The following TMEM108 variants were observed in gnomAD, a reference collection of about 807,000 sequenced individuals.
TMEM108 encodes the protein transmembrane protein 108.
In TMEM108, 12 loss-of-function variants were observed where a neutral mutation model predicts 35.1. That is an observed-to-expected ratio of 0.34 (90% CI 0.22 to 0.55). The LOEUF (loss-of-function observed/expected upper bound fraction) is 0.55. TMEM108 is among the 20% of genes least tolerant of loss of function. TMEM108 has a pLI of 0.89. For missense variants in TMEM108, 680 were observed against 753.3 expected (o/e 0.90, Z 1.14); for synonymous variants, 287 against 308.6 (o/e 0.93, Z 0.73).
chr3:133,200,532 C>G (rs1239745355), intron 2 of TMEM108, among the ~76,000 whole-genome samples: 2 of 152,178 alleles, frequency 1.3e-5, no homozygotes, highest in Non-Finnish European at 2.9e-5. Context: ...AGAATACAGA[C>G]TCTTCTCGTT....
intron 2 of TMEM108, among the ~76,000 whole-genome samples, chr3:133,205,018 G>T (rs1945730951): frequency 6.6e-6 from 1 of 152,108 alleles, no homozygotes; most frequent in Non-Finnish European, 1.5e-5. Flanking sequence ...AGGATAGTTA[G>T]CTCTTCTTGT....
chr3:133,107,516 A>G (rs1437002004), intron 2 of TMEM108, among the ~76,000 whole-genome samples: 1 of 150,962 alleles, frequency 6.6e-6, no homozygotes, highest in East Asian at 1.9e-4. Flanking sequence ...ATTACATTTC[A>G]GCCAAACACA....
At chr3:133,322,451 C>T (rs892305672) in intron 3 of TMEM108, among the ~76,000 whole-genome samples, 16 of 152,248 alleles carry the variant, frequency 1.1e-4, no homozygotes, top group African/African-American at 3.8e-4. Flanking sequence ...TGGAAATACA[C>T]AACCCTCTTA....
chr3:133,267,808 C>G (rs1056260898), intron 3 of TMEM108, among the ~76,000 whole-genome samples: 3 of 152,284 alleles, frequency 2.0e-5, no homozygotes, highest in Admixed American at 6.5e-5. Context: ...CTTGATAGAC[C>G]TACTCACATG....
At chr3:133,188,929 C>G (rs777187431) in intron 2 of TMEM108, among the ~76,000 whole-genome samples, 9 of 152,128 alleles carry the variant, frequency 5.9e-5, no homozygotes, top group Non-Finnish European at 1.2e-4. Context: ...AGTTCAGTGT[C>G]TACCTGAAGG....
At chr3:133,041,510 A>C (rs1408069520) in intron 1 of TMEM108, among the ~76,000 whole-genome samples, 1 of 152,228 alleles carries the variant, frequency 6.6e-6, no homozygotes, top group Non-Finnish European at 1.5e-5. Context: ...TTGAAAGGCT[A>C]TGTCAGCCCT....
intron 2 of TMEM108, among the ~76,000 whole-genome samples, chr3:133,150,201 T>C (rs976951329): frequency 6.6e-6 from 1 of 152,188 alleles, no homozygotes. Flanking sequence ...TGAAGTGATA[T>C]TTCATTATGG....
At chr3:133,360,675 C>T (rs749636911) in intron 3 of TMEM108, among the ~76,000 whole-genome samples, 10 of 152,210 alleles carry the variant, frequency 6.6e-5, no homozygotes, top group South Asian at 2.1e-4. Flanking sequence ...ACTTTTTGTG[C>T]GCTGTCTCTG....
In TMEM108 at chr3:133,359,362, A is replaced by T. The variant is rs145010763; in HGVS notation, c.41-20390A>T. On this transcript the variant is annotated intron_variant, in intron 3 of 5. Transcript: ENST00000321871. Reference sequence around the variant, plus strand: ...TAGTTTGCAGCATTTTCCCAAGTTTATTTGGGAACCCTTTTCTTACAAGTA... The same window carrying T: ...TAGTTTGCAGCATTTTCCCAAGTTTTTTTGGGAACCCTTTTCTTACAAGTA... Among the ~76,000 whole-genome samples the T allele has an allele frequency of 4.3e-3, 655 of 152,252 alleles. 10 individuals carry two copies. Among genetic ancestry groups the T allele is most frequent in the African/African-American group, 0.015 (626 of 41,554 alleles).
At chr3:133,391,777 T>C (rs2073238470) in intron 5 of TMEM108, among the ~76,000 whole-genome samples, 1 of 152,208 alleles carries the variant, frequency 6.6e-6, no homozygotes, top group South Asian at 2.1e-4. Flanking sequence ...CCAGTCTAAA[T>C]GTCACTTCCT....
chr3:133,064,399 T>G (rs75876694), intron 2 of TMEM108, among the ~76,000 whole-genome samples: 1 of 152,150 alleles, frequency 6.6e-6, no homozygotes, highest in Non-Finnish European at 1.5e-5. Context: ...GACAGATGCG[T>G]GGGTCTTTAA....
chr3:133,362,514 C>T (rs2107796136), intron 3 of TMEM108, among the ~76,000 whole-genome samples: 1 of 152,344 alleles, frequency 6.6e-6, no homozygotes, highest in South Asian at 2.1e-4. Context: ...TATGACCCTA[C>T]TGAAGACCAA....
At chr3:133,168,199 G>C (rs889985142) in intron 2 of TMEM108, among the ~76,000 whole-genome samples, 2 of 152,114 alleles carry the variant, frequency 1.3e-5, no homozygotes, top group African/African-American at 4.8e-5. Flanking sequence ...GGCCACAAGG[G>C]GGCCTATTCA....
At chr3:133,345,239 T>C (rs2071781251) in intron 3 of TMEM108, among the ~76,000 whole-genome samples, 1 of 151,912 alleles carries the variant, frequency 6.6e-6, no homozygotes, top group African/African-American at 2.4e-5. Context: ...AAGTTTATTC[T>C]AAGAATGCAA....
At chr3:133,064,378 G>C (rs1943570582) in intron 2 of TMEM108, among the ~76,000 whole-genome samples, 1 of 152,120 alleles carries the variant, frequency 6.6e-6, no homozygotes, top group African/African-American at 2.4e-5. Flanking sequence ...AATCCTTACT[G>C]TCTCCTTGTG....
At chr3:133,363,999 G>A (rs1576504337) in intron 3 of TMEM108, among the ~76,000 whole-genome samples, 1 of 152,136 alleles carries the variant, frequency 6.6e-6, no homozygotes, top group Admixed American at 6.5e-5. Flanking sequence ...CTACCATATT[G>A]GGCAAGGCAG....
At chr3:133,075,761 G>C (rs1424530900) in intron 2 of TMEM108, among the ~76,000 whole-genome samples, 1 of 152,200 alleles carries the variant, frequency 6.6e-6, no homozygotes, top group Non-Finnish European at 1.5e-5. Flanking sequence ...CCTGGGGAAA[G>C]ATCAGAAGCT....
At chr3:133,130,454 A>G (rs1331422687) in intron 2 of TMEM108, among the ~76,000 whole-genome samples, 1 of 152,202 alleles carries the variant, frequency 6.6e-6, no homozygotes, top group African/African-American at 2.4e-5. Flanking sequence ...CTGGGAAGAC[A>G]GACAGCTGGG....
At chr3:133,149,795 A>G (rs556579740) in intron 2 of TMEM108, among the ~76,000 whole-genome samples, 10 of 152,258 alleles carry the variant, frequency 6.6e-5, no homozygotes, top group African/African-American at 2.2e-4. Context: ...TTACTCATTC[A>G]TGTATGTGTA....
Sources: gnomAD v4.1 joint callset for allele counts (sites outside exome capture counted in the v4.1 genomes callset) on GRCh38, gnomAD v4.1.1 for gene constraint, MANE v1.5 for transcripts, NCBI Gene and HGNC (gene_info 2026-07-23, HGNC 2026-07-21) for gene names.